The following PTK2 variants were observed in gnomAD, a reference collection of about 807,000 sequenced individuals.
PTK2 encodes the protein protein tyrosine kinase 2, also known as focal adhesion kinase 1.
In PTK2, 45 loss-of-function variants were observed where a neutral mutation model predicts 150.1. That is an observed-to-expected ratio of 0.30 (90% confidence interval 0.24 to 0.38). The LOEUF is 0.38. PTK2 is among the 10% of genes least tolerant of loss of function. The pLI is 1.00. For missense variants in PTK2, 919 were observed against 1,307.3 expected (o/e 0.70, Z 4.58); for synonymous variants, 432 against 449.2 (o/e 0.96, Z 0.48).
chr8:141,000,905 A>T (rs1470776692), intron 1 of PTK2: 1 of 149,266 alleles, frequency 6.7e-6, no homozygotes, highest in Non-Finnish European at 1.5e-5. Flanking sequence ...GGCCTCCGCG[A>T]GGGCCCCCAA....
At chr8:140,833,391 A>T (rs1243958939) in intron 7 of PTK2, among the ~76,000 whole-genome samples, 1 of 152,222 alleles carries the variant, frequency 6.6e-6, no homozygotes, top group African/African-American at 2.4e-5. Flanking sequence ...TTAATCTCGA[A>T]ATCAAACTAC....
chr8:140,919,180 A>G (rs572958788), intron 2 of PTK2, among the ~76,000 whole-genome samples: 1 of 152,324 alleles, frequency 6.6e-6, no homozygotes, highest in South Asian at 2.1e-4. Flanking sequence ...AGCCCTACAT[A>G]TGAAACTGAT....
At chr8:140,863,557 G>C (rs1043396006) in intron 5 of PTK2, among the ~76,000 whole-genome samples, 1 of 152,146 alleles carries the variant, frequency 6.6e-6, no homozygotes, top group Non-Finnish European at 1.5e-5. Flanking sequence ...TTCTTGTCTA[G>C]AAAACACAAC....
chr8:140,899,457 T>C (rs2100157592), intron 2 of PTK2, among the ~76,000 whole-genome samples: 1 of 152,176 alleles, frequency 6.6e-6, no homozygotes, highest in Non-Finnish European at 1.5e-5. Flanking sequence ...CCTATCAAGA[T>C]TGAATCATGA....
intron 14 of PTK2, among the ~76,000 whole-genome samples, chr8:140,774,260 T>C (rs1176841893): frequency 6.6e-6 from 1 of 152,206 alleles, no homozygotes; most frequent in African/African-American, 2.4e-5. Context: ...GTGTGATCAA[T>C]TGGCAAGTCA....
intron 1 of PTK2, among the ~76,000 whole-genome samples, chr8:140,949,840 C>G (rs2100178919): frequency 1.3e-5 from 2 of 152,134 alleles, no homozygotes; most frequent in African/African-American, 4.8e-5. Context: ...AGCCTTGAAG[C>G]CCGGGAGCCA....
chr8:140,804,141 G>A (rs2100096889), intron 10 of PTK2, among the ~76,000 whole-genome samples: 1 of 152,062 alleles, frequency 6.6e-6, no homozygotes, highest in South Asian at 2.1e-4. Flanking sequence ...GGTACCCAAA[G>A]GGCCCTTCCC....
intron 22 of PTK2, among the ~76,000 whole-genome samples, chr8:140,728,571 T>C (rs2154353763): frequency 6.6e-6 from 1 of 152,308 alleles, no homozygotes; most frequent in African/African-American, 2.4e-5. Flanking sequence ...CAGGCTGGAG[T>C]GCAGTGGCAC....
intron 15 of PTK2, among the ~76,000 whole-genome samples, chr8:140,763,240 T>C (rs2100070344): frequency 1.3e-5 from 2 of 152,190 alleles, no homozygotes; most frequent in East Asian, 1.9e-4. Context: ...AAGGCAACAC[T>C]GGGTTGTTTC....
intron 10 of PTK2, 147 bp downstream of exon 10, chr8:140,818,130 A>C (rs1397368299): frequency 4.3e-6 from 3 of 692,352 alleles, no homozygotes; most frequent in East Asian, 5.4e-5. Context: ...ACTTTCTCTT[A>C]CTTGTCCCCC....
At chr8:140,695,853 C>G (rs982583214) in intron 26 of PTK2, among the ~76,000 whole-genome samples, 2 of 152,206 alleles carry the variant, frequency 1.3e-5, no homozygotes, top group Non-Finnish European at 2.9e-5. Flanking sequence ...AGATCCACTG[C>G]AGTTCTCTAG....
Position 140,947,554 on chromosome 8 carries a change from T to TG in PTK2, c.-121-21806_-121-21805insC, listed in dbSNP as rs1260670744. 2.0e-5 allele frequency among the ~76,000 whole-genome samples: 3 copies of TG among 151,974 alleles called. No homozygotes were observed. The East Asian group carries it at 5.8e-4, about 29-fold the overall frequency. The stretch of plus-strand genomic sequence containing the variant: ...CCCCACCTCCTAAAATCCTCAGTGG[T>TG]TTCAACTTCAAGGTGGTAGAGTAAT... On this transcript the variant is annotated intron_variant, in intron 1 of 31. Coordinates refer to ENST00000522684, the Ensembl canonical transcript of PTK2.
chr8:140,835,091 C>T (rs1477113494), intron 7 of PTK2, among the ~76,000 whole-genome samples: 1 of 152,206 alleles, frequency 6.6e-6, no homozygotes, highest in Non-Finnish European at 1.5e-5. Context: ...TCAGCATTCC[C>T]CACTCACTGA....
intron 1 of PTK2, among the ~76,000 whole-genome samples, chr8:140,960,642 G>T (rs1480234342): frequency 6.6e-6 from 1 of 152,198 alleles, no homozygotes; most frequent in Non-Finnish European, 1.5e-5. Flanking sequence ...TACCAAAATT[G>T]TTCATTGCCA....
intron 2 of PTK2, chr8:140,892,536 C>T (rs2100154592): frequency 2.5e-6 from 1 of 405,222 alleles, no homozygotes; most frequent in South Asian, 1.8e-5. Flanking sequence ...ACCCTGTCAA[C>T]TCCCCACTAT....
intron 18 of PTK2, chr8:140,746,540 C>A: frequency 2.6e-6 from 1 of 380,046 alleles, no homozygotes; most frequent in Non-Finnish European, 4.7e-6. Context: ...AAGTACTTGG[C>A]TGGGGAAGAT....
chr8:140,981,472 A>C (rs544213682), intron 1 of PTK2, among the ~76,000 whole-genome samples: 163 of 152,262 alleles, frequency 1.1e-3, no homozygotes, highest in African/African-American at 3.9e-3. Context: ...GGAAAATCCC[A>C]CTGTTGAAGC....
intron 22 of PTK2, among the ~76,000 whole-genome samples, chr8:140,720,008 C>A (rs969642291): frequency 2.0e-5 from 3 of 151,824 alleles, no homozygotes; most frequent in Non-Finnish European, 4.4e-5. Flanking sequence ...CGGCCTGGTA[C>A]GTTCTAGCTG....
At chr8:140,777,572 C>T (rs890594528) in intron 14 of PTK2, among the ~76,000 whole-genome samples, 5 of 152,170 alleles carry the variant, frequency 3.3e-5, no homozygotes, top group African/African-American at 9.7e-5. Context: ...TGCTTTTAGT[C>T]GCTTAGATCT....
Sources: allele counts gnomAD v4.1 joint callset (sites outside exome capture counted in the v4.1 genomes callset), GRCh38; gene constraint gnomAD v4.1.1; transcripts MANE v1.5; gene names NCBI Gene and HGNC (gene_info 2026-07-23, HGNC 2026-07-21).